The following LRFN1 variants were observed in gnomAD, a reference collection of about 807,000 sequenced individuals.
The protein encoded by LRFN1 is leucine-rich repeat and fibronectin type III domain-containing protein 1.
Under a neutral mutation model 31.8 loss-of-function variants are expected in LRFN1, and 20 were observed. That is an observed-to-expected ratio of 0.63 (90% confidence interval 0.44 to 0.91). The LOEUF is 0.91. Ranked by LOEUF, LRFN1 falls within the 40% of genes least tolerant of loss-of-function variation. The pLI is 0.00. For missense variants in LRFN1, 912 were observed against 1,129.8 expected, an observed-to-expected ratio of 0.81 and a Z score of 2.76; for synonymous variants, 514 against 541.3, an observed-to-expected ratio of 0.95 and a Z score of 0.70.
At chr19:39,319,646 C>T (rs1006923670) in intron 1 of LRFN1, among the ~76,000 whole-genome samples, 1 of 152,132 alleles carries the variant, frequency 6.6e-6, no homozygotes, top group Non-Finnish European at 1.5e-5. Flanking sequence ...AGTAGACAGG[C>T]CCAGATTCAC....
chr19:39,313,519 A>C (rs2075158185), intron 4 of LRFN1, among the ~76,000 whole-genome samples: 1 of 152,186 alleles, frequency 6.6e-6, no homozygotes, highest in South Asian at 2.1e-4. Context: ...GCAATAGAGT[A>C]AGGCTCAGTC....
chr19:39,320,305 G>GACACACACACACACAC (rs35232910), intron 1 of LRFN1, among the ~76,000 whole-genome samples: 69 of 134,722 alleles, frequency 5.1e-4, no homozygotes, highest in East Asian at 1.6e-3. Flanking sequence ...ACAACCCGCA[G>GACACACACACACACAC]ACACACACAC....
chr19:39,307,500 TC>T lies in LRFN1; in HGVS notation c.*132del, dbSNP rs1241553190. ...CGCAGCCCGAGGCTGCCCCGCCCCC[TC>T]CCGGGGACAAGGGCGCGTCTCCACT... On this transcript the variant is annotated 3_prime_UTR_variant, in exon 5 of 5. Transcript: ENST00000248668. This position sits in a 1 kb window ranked among gnomAD's most constrained non-coding sequence, Gnocchi z 6.7. The T allele has an allele frequency of 9.5e-7, 1 of 1,057,528 alleles. No individual in the cohort carries two copies. Among genetic ancestry groups the T allele is most frequent in the Admixed American group, 4.2e-5 (1 of 23,542 alleles). The allele number at this position is 1,057,528 out of a possible 1,614,324, so 65.5% of individuals were successfully genotyped here.
intron 4 of LRFN1, among the ~76,000 whole-genome samples, chr19:39,311,803 T>G (rs2075151202): frequency 2.0e-5 from 3 of 151,420 alleles, no homozygotes; most frequent in Admixed American, 2.0e-4. Flanking sequence ...ACAGTAGGCA[T>G]CTACTCAGTG....
Position 39,308,619 on chromosome 19 carries a change from G to T in LRFN1, c.1407-77C>A. 7.8e-7 allele frequency: 1 copy of T among 1,285,256 alleles called. No homozygotes were observed. Among genetic ancestry groups the T allele is most frequent in the Non-Finnish European group, 1.0e-6 (1 of 952,876 alleles). The allele number at this position is 1,285,256 out of a possible 1,614,324, so 79.6% of individuals were successfully genotyped here. ...CTTCGCTTTATGCCCCGCCCATGGT[G>T]AACAGTGGGGACTAAACCCTGCTAT... On this transcript the variant is annotated intron_variant, in intron 4 of 4. Transcript: ENST00000248668. This position sits in a 1 kb window ranked among gnomAD's most constrained non-coding sequence, Gnocchi z 6.2.
At chr19:39,316,306 A>G (rs950337367) in intron 2 of LRFN1, among the ~76,000 whole-genome samples, 170 bp from the exon 3 acceptor site, 8 of 152,196 alleles carry the variant, frequency 5.3e-5, no homozygotes, top group African/African-American at 1.9e-4. Flanking sequence ...ACAGTGCCCT[A>G]TTATTGAGAG....
chr19:39,307,398 C>G lies in LRFN1; in HGVS notation c.*235G>C. The G allele has an allele frequency of 2.4e-6, 1 of 419,916 alleles. No individual in the cohort carries two copies. Among genetic ancestry groups the G allele is most frequent in the East Asian group, 3.6e-5 (1 of 28,054 alleles). 26.0% of individuals were successfully genotyped at this position (419,916 alleles called of 1,614,324 possible). A position where few individuals can be genotyped will look rare whatever the true frequency, so the allele number is the denominator to read the frequency against. ...GCGAGGGGAGGGGTAGGAGGGGGGT[C>G]GAGGAGTCCATAGGGGAAGGGAGGC... On this transcript the variant is annotated 3_prime_UTR_variant, in exon 5 of 5. Coordinates refer to ENST00000248668, the MANE Select transcript of LRFN1 (RefSeq NM_020862.2). This position sits in a 1 kb window ranked among gnomAD's most constrained non-coding sequence, Gnocchi z 6.7.
Position 39,315,155 on chromosome 19 carries a change from G to A in LRFN1, c.182C>T (p.Pro61Leu), listed in dbSNP as rs777354045. Reference sequence around the variant, plus strand: ...CTCCACCACGCGCCGGTCGATGGCGGGCGGCACAAAGAGCAAGCCGGTCTT... The same window carrying A: ...CTCCACCACGCGCCGGTCGATGGCGAGCGGCACAAAGAGCAAGCCGGTCTT... Reference protein sequence around the residue: ...CAKTGLLFVPPAIDRRVVELR... With the variant: ...CAKTGLLFVPLAIDRRVVELR... The change falls in exon 4 of 5, where the codon CCC (proline) becomes CTC (leucine). Residue 61 changes from proline (P) to leucine (L), a missense_variant. By Grantham distance (98) the Pro-to-Leu change is moderately conservative. Transcript: ENST00000248668. The surrounding 1 kb of genome is among the most constrained non-coding windows in gnomAD (Gnocchi z 4.7). 1.9e-6 allele frequency: 3 copies of A among 1,591,328 alleles called. No homozygotes were observed. The highest frequency in any genetic ancestry group is 2.6e-6 in the Non-Finnish European group (3 of 1,175,728).
chr19:39,313,641 C>G (rs960433021), intron 4 of LRFN1, among the ~76,000 whole-genome samples: 2 of 152,206 alleles, frequency 1.3e-5, no homozygotes, highest in Admixed American at 6.5e-5. Context: ...GCAGTGATAT[C>G]GACCATGAGC....
chr19:39,307,750 C>T lies in LRFN1; in HGVS notation c.2199G>A (p.Pro733=). 6.7e-7 allele frequency: 1 copy of T among 1,487,144 alleles called. No homozygotes were observed. The highest frequency in any genetic ancestry group is 8.9e-7 in the Non-Finnish European group (1 of 1,129,136). 92.1% of individuals were successfully genotyped at this position (1,487,144 alleles called of 1,614,324 possible). A position where few individuals can be genotyped will look rare whatever the true frequency, so the allele number is the denominator to read the frequency against. Residue 733 remains proline (P), a synonymous_variant, in exon 5 of 5, where the codon CCG becomes CCA. Coordinates refer to ENST00000248668, the MANE Select transcript of LRFN1 (RefSeq NM_020862.2). The surrounding 1 kb of genome is among the most constrained non-coding windows in gnomAD (Gnocchi z 6.7). ...CGCCCCCTCCAGCCCCGTCCAGGTGCGGCGTGGACCGGTGGCGCTTTGTCC... is the reference window on the plus strand; with the variant it reads ...CGCCCCCTCCAGCCCCGTCCAGGTGTGGCGTGGACCGGTGGCGCTTTGTCC... The part of the protein sequence containing the change: ...ARRTKRHRST[P]HLDGAGGGAA...
chr19:39,312,933 G>A (rs1257679431), intron 4 of LRFN1, among the ~76,000 whole-genome samples: 1 of 152,186 alleles, frequency 6.6e-6, no homozygotes, highest in African/African-American at 2.4e-5. Flanking sequence ...GGGTCTGGGT[G>A]GTTTCCCTGT....
Position 39,315,391 on chromosome 19 carries a change from G to A in LRFN1, c.-37-18C>T, listed in dbSNP as rs995019312. ...GGTGAGACCTGCCGGGGAAGGAGCCGGTTACCCAGGCGTGGGACTTGGCCG... is the reference window on the plus strand; with the variant it reads ...GGTGAGACCTGCCGGGGAAGGAGCCAGTTACCCAGGCGTGGGACTTGGCCG... On this transcript the variant is annotated intron_variant, in intron 3 of 4. Coordinates refer to ENST00000248668, the MANE Select transcript of LRFN1 (RefSeq NM_020862.2). The surrounding 1 kb of genome is among the most constrained non-coding windows in gnomAD (Gnocchi z 4.7). The A allele has an allele frequency of 1.9e-5, 27 of 1,407,322 alleles. No individual in the cohort carries two copies. The Middle Eastern group carries it at 1.3e-3, about 67-fold the overall frequency. The allele number at this position is 1,407,322 out of a possible 1,614,324, so 87.2% of individuals were successfully genotyped here. A position where few individuals can be genotyped will look rare whatever the true frequency, so the allele number is the denominator to read the frequency against.
intron 4 of LRFN1, among the ~76,000 whole-genome samples, chr19:39,311,957 C>T (rs1244697802): frequency 6.6e-6 from 1 of 150,998 alleles, no homozygotes; most frequent in Admixed American, 6.6e-5. Context: ...GCAACCTCCG[C>T]CTCCCAGGTT....
intron 4 of LRFN1, among the ~76,000 whole-genome samples, chr19:39,313,403 T>C (rs1212412458): frequency 1.3e-5 from 2 of 152,132 alleles, no homozygotes; most frequent in Non-Finnish European, 2.9e-5. Context: ...TGTTGGTGGG[T>C]ATCTGTAATC....
At chr19:39,318,491 T>C (rs1317160363) in intron 1 of LRFN1, 133 bp from the exon 2 acceptor site, 1 of 152,206 alleles carries the variant, frequency 6.6e-6, no homozygotes, top group Non-Finnish European at 1.5e-5. Flanking sequence ...TGGCGGGTTT[T>C]GCATAGTCTC....
intron 2 of LRFN1, among the ~76,000 whole-genome samples, chr19:39,317,595 A>T (rs1341858839): frequency 2.6e-5 from 4 of 152,128 alleles, no homozygotes; most frequent in African/African-American, 9.7e-5. Context: ...GCACTGCAGG[A>T]CAGAATCCGC....
rs759210358 is a variant in LRFN1 at position 39,308,184 on chromosome 19, C to A, written c.1765G>T (p.Ala589Ser). Residue 589 changes from alanine (A) to serine (S), a missense_variant, in exon 5 of 5, where the codon GCA becomes TCA. Coordinates refer to ENST00000248668, the MANE Select transcript of LRFN1 (RefSeq NM_020862.2). This position sits in a 1 kb window ranked among gnomAD's most constrained non-coding sequence, Gnocchi z 6.2. The stretch of plus-strand genomic sequence containing the variant: ...GGGGCCTGTGCCGCGCCTGTGCCTG[C>A]GCCGTTGGTCTGCGAGCACACGTGG... ...VSHVCSQTNG[A>S]GTGAAQAPAL... The A allele has an allele frequency of 5.0e-6, 8 of 1,591,812 alleles. No individual in the cohort carries two copies. The highest frequency in any genetic ancestry group is 2.3e-5 in the South Asian group (2 of 88,462).
Position 39,307,923 on chromosome 19 carries a change from C to A in LRFN1, c.2026G>T (p.Ala676Ser), listed in dbSNP as rs1319895087. 2 of 1,567,012 alleles carry A rather than the reference C, an allele frequency of 1.3e-6. No homozygotes were observed. Among genetic ancestry groups the A allele is most frequent in the Non-Finnish European group, 1.7e-6 (2 of 1,164,244 alleles). Residue 676 changes from alanine (A) to serine (S), a missense_variant, in exon 5 of 5, where the codon GCC (alanine) becomes TCC (serine). By Grantham distance (99) the Ala-to-Ser change is moderately conservative. Transcript: ENST00000248668. The surrounding 1 kb of genome is among the most constrained non-coding windows in gnomAD (Gnocchi z 6.7). ...AVGPRRSRSGALEPPTSAPPT... is the reference protein window; with the variant it reads ...AVGPRRSRSGSLEPPTSAPPT... ...GGCGCCGAGGTTGGTGGCTCCAGGG[C>A]GCCGGATCGGCTCCTTCGAGGGCCC...
chr19:39,307,922 G>A lies in LRFN1; in HGVS notation c.2027C>T (p.Ala676Val), dbSNP rs1278842987. The A allele has an allele frequency of 3.2e-6, 5 of 1,567,022 alleles. No homozygotes were observed. Among genetic ancestry groups the A allele is most frequent in the South Asian group, 1.2e-5 (1 of 86,686 alleles). ...GGGCGCCGAGGTTGGTGGCTCCAGG[G>A]CGCCGGATCGGCTCCTTCGAGGGCC... ...AVGPRRSRSGALEPPTSAPPT... is the reference protein window; with the variant it reads ...AVGPRRSRSGVLEPPTSAPPT... Residue 676 changes from alanine to valine, a missense_variant, in exon 5 of 5, where the codon GCC (alanine) becomes GTC (valine). Physicochemically the swap from Ala to Val is moderately conservative, Grantham distance 64. Coordinates refer to ENST00000248668, the MANE Select transcript of LRFN1 (RefSeq NM_020862.2). This position sits in a 1 kb window ranked among gnomAD's most constrained non-coding sequence, Gnocchi z 6.7.
Sources: allele counts gnomAD v4.1 joint callset (sites outside exome capture counted in the v4.1 genomes callset), GRCh38; gene constraint gnomAD v4.1.1; non-coding constraint Gnocchi (gnomAD v3.1); transcripts MANE v1.5; gene names NCBI Gene and HGNC (gene_info 2026-07-23, HGNC 2026-07-21).